Variants in OPHN1 observed in about 807,000 individuals in gnomAD.
OPHN1 encodes the protein oligophrenin 1, also known as oligophrenin-1.
OPHN1 carries 11 observed loss-of-function variants against 60.7 expected under a neutral mutation model. That is an observed-to-expected ratio of 0.18 (90% CI 0.11 to 0.30). The LOEUF is 0.30. OPHN1 is among the 10% of genes least tolerant of loss of function. The probability of loss-of-function intolerance (pLI) is 1.00; values close to 1 mark genes in which losing one functional copy is unlikely to be tolerated. For synonymous variants in OPHN1, 226 were observed against 222.6 expected (o/e 1.02, Z -0.14); for missense variants, 449 against 611.0 (o/e 0.73, Z 2.80).
intron 6 of OPHN1, among the ~76,000 whole-genome samples, chrX:68,228,376 G>C (rs751014811): frequency 1.1e-3 from 126 of 110,767 alleles, no homozygotes; most frequent in Non-Finnish European, 1.9e-3. Context: ...CCAATCCATA[G>C]AAAAAGAGGG....
At chrX:68,056,391 C>A (rs2076873281) in intron 21 of OPHN1, among the ~76,000 whole-genome samples, 1 of 111,485 alleles carries the variant, frequency 9.0e-6, no homozygotes, top group Non-Finnish European at 1.9e-5. Context: ...TTAAAAAATT[C>A]ATCCATCTAG....
chrX:68,385,442 T>G (rs2078619664), intron 2 of OPHN1, among the ~76,000 whole-genome samples: 1 of 112,110 alleles, frequency 8.9e-6, no homozygotes, highest in Admixed American at 9.5e-5. Context: ...AATTAAGATC[T>G]CAGCAACTTC....
intron 4 of OPHN1, among the ~76,000 whole-genome samples, chrX:68,276,309 C>T (rs772659950): frequency 3.6e-5 from 4 of 111,499 alleles, no homozygotes; most frequent in South Asian, 3.8e-4. Flanking sequence ...CCTCCCAGTA[C>T]GACACTTAAC....
intron 6 of OPHN1, among the ~76,000 whole-genome samples, chrX:68,222,599 A>T (rs1244319237): frequency 9.4e-6 from 1 of 106,766 alleles, no homozygotes; most frequent in Non-Finnish European, 1.9e-5. Flanking sequence ...GTATGCAGCC[A>T]TAAAAAATGT....
intron 15 of OPHN1, among the ~76,000 whole-genome samples, chrX:68,178,474 G>A (rs1196812124): frequency 9.0e-6 from 1 of 111,474 alleles, no homozygotes; most frequent in Non-Finnish European, 1.9e-5. Context: ...CGTGACCTTG[G>A]ATCACTGCAA....
chrX:68,356,018 C>CT (rs1157051128), intron 2 of OPHN1, among the ~76,000 whole-genome samples: 3 of 108,976 alleles, frequency 2.8e-5, no homozygotes, highest in Non-Finnish European at 5.7e-5. Flanking sequence ...CCACTGCACT[C>CT]TAGCCTGGGT....
At chrX:68,412,484 C>A (rs772770317) in intron 2 of OPHN1, among the ~76,000 whole-genome samples, 84 of 110,824 alleles carry the variant, frequency 7.6e-4, no homozygotes, top group Non-Finnish European at 1.0e-3. Flanking sequence ...GGGCTGAGGG[C>A]AGCTGGGAAT....
chrX:68,409,562 G>A (rs1274620712), intron 2 of OPHN1, among the ~76,000 whole-genome samples: 1 of 112,051 alleles, frequency 8.9e-6, no homozygotes, highest in Admixed American at 9.6e-5. Flanking sequence ...GATCCAGAAA[G>A]AGGACAAGAA....
At chrX:68,131,300 C>A (rs1346396119) in intron 15 of OPHN1, among the ~76,000 whole-genome samples, 1 of 109,333 alleles carries the variant, frequency 9.1e-6, no homozygotes, top group Non-Finnish European at 1.9e-5. Context: ...CTCACTGCAA[C>A]CTCCGCCTCC....
At chrX:68,294,473 C>CAAAAAAA (rs570989143) in intron 3 of OPHN1, among the ~76,000 whole-genome samples, 6 of 10,657 alleles carry the variant, frequency 5.6e-4, no homozygotes, top group South Asian at 5.5e-3. Flanking sequence ...GACTCTATCA[C>CAAAAAAA]AAAAAAAAAA....
Position 68,317,380 on chromosome X carries a change from G to GAAAGAAAGAAAGAAAGAAAGAAAGA in OPHN1, c.155-18285_155-18284insTCTTTCTTTCTTTCTTTCTTTCTTT, listed in dbSNP as rs397961005. Among the ~76,000 whole-genome samples, 18 of 26,105 alleles carry GAAAGAAAGAAAGAAAGAAAGAAAGA rather than the reference G, an allele frequency of 6.9e-4. No individual in the cohort carries two copies. In the South Asian group the frequency reaches 0.012, roughly 18 times the overall value. The allele number at this position is 26,105 out of a possible 115,157, so 22.7% of individuals were successfully genotyped here. A position where few individuals can be genotyped will look rare whatever the true frequency, so the allele number is the denominator to read the frequency against. On this transcript the variant is annotated intron_variant, in intron 2 of 24. Transcript: ENST00000355520. Reference sequence around the variant, plus strand: ...GAAAGAAAGAAAGAAAGAAAGAAAGGAAGGAAGGAAGGAAGGAAGGAAGGA... The same window carrying GAAAGAAAGAAAGAAAGAAAGAAAGA: ...GAAAGAAAGAAAGAAAGAAAGAAAGGAAAGAAAGAAAGAAAGAAAGAAAGAAAGGAAGGAAGGAAGGAAGGAAGGA...
At chrX:68,122,379 G>A (rs771486756) in intron 15 of OPHN1, among the ~76,000 whole-genome samples, 1 of 111,084 alleles carries the variant, frequency 9.0e-6, no homozygotes, top group South Asian at 3.8e-4. Flanking sequence ...AGAAGGACAA[G>A]TACAAACAAG....
At chrX:68,218,323 G>T (rs967275578) in intron 6 of OPHN1, among the ~76,000 whole-genome samples, 2 of 106,643 alleles carry the variant, frequency 1.9e-5, no homozygotes, top group Admixed American at 2.0e-4. Flanking sequence ...TGAAAGGGAT[G>T]GGGAGAATGG....
At chrX:68,344,433 G>A (rs1464712700) in intron 2 of OPHN1, among the ~76,000 whole-genome samples, 1 of 106,940 alleles carries the variant, frequency 9.4e-6, no homozygotes, top group East Asian at 2.8e-4. Context: ...CCGACATGGT[G>A]AAACCCCACC....
intron 15 of OPHN1, among the ~76,000 whole-genome samples, chrX:68,130,738 G>T (rs1438825715): frequency 9.0e-6 from 1 of 110,648 alleles, no homozygotes; most frequent in African/African-American, 3.3e-5. Flanking sequence ...CATAATAAAA[G>T]ACTTAACTAT....
intron 2 of OPHN1, among the ~76,000 whole-genome samples, chrX:68,425,812 CTTT>C (rs1188011531): frequency 2.6e-5 from 1 of 38,658 alleles, no homozygotes; most frequent in Non-Finnish European, 3.9e-5. Flanking sequence ...GGACTGGATT[CTTT>C]TTTTTTTTTT....
At chrX:68,092,264 C>G (rs770313528) in intron 19 of OPHN1, among the ~76,000 whole-genome samples, 1 of 111,783 alleles carries the variant, frequency 8.9e-6, no homozygotes, top group Non-Finnish European at 1.9e-5. Flanking sequence ...CATATAATCC[C>G]TATGTGTGAA....
At chrX:68,105,428 C>T (rs1435455009) in intron 18 of OPHN1, among the ~76,000 whole-genome samples, 1 of 110,874 alleles carries the variant, frequency 9.0e-6, no homozygotes, top group African/African-American at 3.3e-5. Flanking sequence ...CAGTGATAAA[C>T]TGGATAAAGA....
intron 15 of OPHN1, among the ~76,000 whole-genome samples, chrX:68,167,201 T>C (rs1209495559): frequency 9.0e-6 from 1 of 111,407 alleles, no homozygotes; most frequent in African/African-American, 3.3e-5. Context: ...AGTCTAATAA[T>C]GAACAGACAT....
Sources: allele counts gnomAD v4.1 joint callset (sites outside exome capture counted in the v4.1 genomes callset), GRCh38; gene constraint gnomAD v4.1.1; transcripts MANE v1.5; gene names NCBI Gene and HGNC (gene_info 2026-07-23, HGNC 2026-07-21).